SLC4A10: variants seen among roughly 807,000 people sequenced by gnomAD.
The protein encoded by SLC4A10 is sodium-driven chloride bicarbonate exchanger.
A neutral mutation model predicts 137.7 loss-of-function variants in SLC4A10; 42 were observed. The observed-to-expected ratio is 0.30, with a 90% CI of 0.24 to 0.39. The LOEUF is 0.39. Ranked by LOEUF, SLC4A10 falls within the 10% of genes least tolerant of loss-of-function variation. The pLI is 1.00. For missense variants in SLC4A10, 925 were observed against 1,355.0 expected, an observed-to-expected ratio of 0.68 and a Z score of 4.98; for synonymous variants, 474 against 464.1, an observed-to-expected ratio of 1.02 and a Z score of -0.27.
At chr2:161,866,960 C>T (rs997348665) in intron 6 of SLC4A10, among the ~76,000 whole-genome samples, 7 of 151,818 alleles carry the variant, frequency 4.6e-5, no homozygotes, top group South Asian at 2.1e-4. Context: ...TAACTCTGTT[C>T]GTTTTCCTTC....
intron 6 of SLC4A10, among the ~76,000 whole-genome samples, chr2:161,869,930 G>T (rs2061005473): frequency 6.6e-6 from 1 of 151,294 alleles, no homozygotes; most frequent in African/African-American, 2.4e-5. Context: ...CACATACCTA[G>T]AATCTAGGAC....
At chr2:161,953,792 AT>A (rs1695205087) in intron 19 of SLC4A10, among the ~76,000 whole-genome samples, 1 of 152,142 alleles carries the variant, frequency 6.6e-6, no homozygotes, top group African/African-American at 2.4e-5. Flanking sequence ...AAATACAAAA[AT>A]TTGAGAATGT....
intron 1 of SLC4A10, among the ~76,000 whole-genome samples, chr2:161,770,329 T>C (rs1270626322): frequency 1.3e-5 from 2 of 151,948 alleles, no homozygotes; most frequent in Non-Finnish European, 2.9e-5. Context: ...TGAGCATGTG[T>C]TTAGTACTCA....
At chr2:161,695,303 C>G (rs1012329564) in intron 1 of SLC4A10, among the ~76,000 whole-genome samples, 1 of 152,030 alleles carries the variant, frequency 6.6e-6, no homozygotes, top group Admixed American at 6.6e-5. Context: ...TACAAATCAA[C>G]TCTTTTTGCT....
At chr2:161,819,238 G>C (rs1408629295) in intron 3 of SLC4A10, among the ~76,000 whole-genome samples, 2 of 152,054 alleles carry the variant, frequency 1.3e-5, no homozygotes, top group African/African-American at 2.4e-5. Flanking sequence ...ACTGGTTCAA[G>C]CCTACCATAT....
At chr2:161,687,147 A>G (rs1029088918) in intron 1 of SLC4A10, among the ~76,000 whole-genome samples, 1 of 152,222 alleles carries the variant, frequency 6.6e-6, no homozygotes, top group Non-Finnish European at 1.5e-5. Flanking sequence ...TGCTGGGATT[A>G]CAGGCATGGG....
At chr2:161,975,717 G>T (rs1699277504) in intron 24 of SLC4A10, among the ~76,000 whole-genome samples, 1 of 152,196 alleles carries the variant, frequency 6.6e-6, no homozygotes, top group South Asian at 2.1e-4. Context: ...TCACCAATCA[G>T]GGTCATATGA....
At chr2:161,917,872 G>C (rs1210910621) in intron 15 of SLC4A10, among the ~76,000 whole-genome samples, 1 of 152,132 alleles carries the variant, frequency 6.6e-6, no homozygotes, top group Non-Finnish European at 1.5e-5. Context: ...ATAAATATTT[G>C]TTAAACAAAT....
chr2:161,896,391 A>G (rs980153531), intron 11 of SLC4A10, among the ~76,000 whole-genome samples: 1 of 152,064 alleles, frequency 6.6e-6, no homozygotes, highest in African/African-American at 2.4e-5. Context: ...TGACTTGGTG[A>G]TGCAGGCTCT....
intron 15 of SLC4A10, among the ~76,000 whole-genome samples, chr2:161,913,363 A>T (rs374291783): frequency 3.8e-4 from 58 of 152,254 alleles, no homozygotes; most frequent in African/African-American, 1.3e-3. Flanking sequence ...TCTTCCAAAA[A>T]TTTACTGGCT....
chr2:161,833,470 A>G (rs1575182078), intron 3 of SLC4A10, among the ~76,000 whole-genome samples: 1 of 152,226 alleles, frequency 6.6e-6, no homozygotes, highest in East Asian at 1.9e-4. Flanking sequence ...CTGGAGAATG[A>G]AAAGGTCATC....
chr2:161,816,893 G>A (rs2125668274), intron 3 of SLC4A10, among the ~76,000 whole-genome samples: 1 of 152,150 alleles, frequency 6.6e-6, no homozygotes, highest in South Asian at 2.1e-4. Context: ...TGGACATTTG[G>A]GTTGGTTCCA....
At chr2:161,776,867 G>GTGA (rs1028380737) in intron 2 of SLC4A10, among the ~76,000 whole-genome samples, 2 of 150,916 alleles carry the variant, frequency 1.3e-5, no homozygotes, top group African/African-American at 4.9e-5. Flanking sequence ...GTGTGTGTGT[G>GTGA]TGTGTGTGTG....
At chr2:161,698,584 G>A (rs1182767958) in intron 1 of SLC4A10, among the ~76,000 whole-genome samples, 1 of 152,216 alleles carries the variant, frequency 6.6e-6, no homozygotes, top group Admixed American at 6.5e-5. Context: ...TTTGTTGTTG[G>A]TTCTGTTTAT....
chr2:161,974,571 T>A (rs1485063184), intron 24 of SLC4A10, among the ~76,000 whole-genome samples: 1 of 152,172 alleles, frequency 6.6e-6, no homozygotes, highest in East Asian at 1.9e-4. Flanking sequence ...TGTTTTATAA[T>A]GTGTATGAAA....
rs1695800984 is a variant in SLC4A10 at position 161,957,058 on chromosome 2, C to T, written c.2611C>T (p.Leu871=). The part of the protein sequence containing the change: ...VMLGVCSIMG[L]PWFVAATVLS... ...GCTCGGTGTATGCTCCATCATGGGC[C>T]TGCCATGGTTTGTGGCTGCCACAGT... The change falls in exon 20 of 27, where the codon CTG becomes TTG. Residue 871 remains leucine, a synonymous_variant. Coordinates refer to ENST00000446997, the MANE Select transcript of SLC4A10 (RefSeq NM_001178015.2). 6.2e-7 allele frequency: 1 copy of T among 1,612,478 alleles called. No individual in the cohort carries two copies. Among genetic ancestry groups the T allele is most frequent in the Non-Finnish European group, 8.5e-7 (1 of 1,179,384 alleles).
chr2:161,826,266 A>G (rs1177693077), intron 3 of SLC4A10, among the ~76,000 whole-genome samples: 8 of 152,188 alleles, frequency 5.3e-5, no homozygotes, highest in Admixed American at 4.6e-4. Context: ...ATTCATCTGA[A>G]CTATAACAAA....
chr2:161,770,276 C>T (rs1166072182), intron 1 of SLC4A10, among the ~76,000 whole-genome samples: 3 of 151,904 alleles, frequency 2.0e-5, no homozygotes, highest in Admixed American at 6.6e-5. Context: ...CTCAGCCCCC[C>T]TGCCATTATT....
intron 6 of SLC4A10, among the ~76,000 whole-genome samples, chr2:161,866,149 A>G (rs2060731194): frequency 6.6e-6 from 1 of 152,058 alleles, no homozygotes; most frequent in South Asian, 2.1e-4. Context: ...TGAAAGAGTC[A>G]TATAGAATAA....
Sources: gnomAD v4.1 joint callset for allele counts (sites outside exome capture counted in the v4.1 genomes callset) on GRCh38, gnomAD v4.1.1 for gene constraint, MANE v1.5 for transcripts, NCBI Gene and HGNC (gene_info 2026-07-23, HGNC 2026-07-21) for gene names.